Variants in DRC4 observed in about 807,000 individuals in gnomAD.
The protein encoded by DRC4 is GAS-11.
chr16:90,030,898 G>A, the DRC4 span, among the ~76,000 whole-genome samples: 1 of 152,198 alleles, frequency 6.6e-6, no homozygotes, highest in Non-Finnish European at 1.5e-5. Flanking sequence ...GGTTGCAGGC[G>A]AGAGCCACCG....
At chr16:90,038,678 T>C in the DRC4 span, among the ~76,000 whole-genome samples, 1 of 152,160 alleles carries the variant, frequency 6.6e-6, no homozygotes, top group South Asian at 2.1e-4. Context: ...GCCGTTTCCA[T>C]CCTCACCTGC....
chr16:90,040,180 G>A, the DRC4 span: 3 of 926,632 alleles, frequency 3.2e-6, no homozygotes, highest in Non-Finnish European at 5.0e-6. Flanking sequence ...TGCTGTGGGA[G>A]TGGGCACTGT....
chr16:90,028,052 C>T, the DRC4 span: 18 of 241,526 alleles, frequency 7.5e-5, no homozygotes, highest in South Asian at 2.4e-4. Context: ...ATAGACTTAT[C>T]GTAGAACACA....
the DRC4 span, among the ~76,000 whole-genome samples, chr16:90,026,908 T>C: frequency 6.6e-6 from 1 of 151,568 alleles, no homozygotes; most frequent in Non-Finnish European, 1.5e-5. Flanking sequence ...TTTTTTTTTT[T>C]TTTAAGTTAC....
At chr16:90,022,997 C>A in the DRC4 span, among the ~76,000 whole-genome samples, 1 of 152,104 alleles carries the variant, frequency 6.6e-6, no homozygotes, top group African/African-American at 2.4e-5. Flanking sequence ...CCGGGGTCGG[C>A]GGCGCACGGT....
chr16:90,034,520 G>A, the DRC4 span, among the ~76,000 whole-genome samples: 1 of 152,204 alleles, frequency 6.6e-6, no homozygotes, highest in South Asian at 2.1e-4. Context: ...TACTCGGGAC[G>A]CTGAGGCAGA....
At chr16:90,020,092 A>T in the DRC4 span, 2 of 634,302 alleles carry the variant, frequency 3.2e-6, no homozygotes. Flanking sequence ...CTCTGTCCTC[A>T]TTCACTTCCC....
the DRC4 span, among the ~76,000 whole-genome samples, chr16:90,027,232 C>G: frequency 6.6e-6 from 1 of 151,774 alleles, no homozygotes; most frequent in Non-Finnish European, 1.5e-5. Context: ...ACTACAGGCG[C>G]CCACCGGCAC....
the DRC4 span, chr16:90,032,950 G>C: frequency 6.2e-7 from 1 of 1,600,866 alleles, no homozygotes. Flanking sequence ...GCACCTGGAG[G>C]CTGACAGGTT....
At chr16:90,041,811 G>A in the DRC4 span, among the ~76,000 whole-genome samples, 11 of 152,066 alleles carry the variant, frequency 7.2e-5, no homozygotes, top group Non-Finnish European at 1.5e-4. Flanking sequence ...AAAAAAAAGT[G>A]AGATAGTACA....
chr16:90,035,841 A>G, the DRC4 span: 32 of 1,536,848 alleles, frequency 2.1e-5, no homozygotes, highest in Non-Finnish European at 2.7e-5. Flanking sequence ...TTCCAAGGCC[A>G]GTGGACCCAC....
At chr16:90,020,457 C>A in the DRC4 span, among the ~76,000 whole-genome samples, 1 of 152,204 alleles carries the variant, frequency 6.6e-6, no homozygotes, top group South Asian at 2.1e-4. Context: ...AGACATCAGA[C>A]AGAGGGCAGT....
the DRC4 span, chr16:90,043,108 C>CA: frequency 1.4e-6 from 2 of 1,431,478 alleles, no homozygotes; most frequent in Non-Finnish European, 1.9e-6. Context: ...CCGTGATGCT[C>CA]ACGCTGCCCC....
At chr16:90,031,277 C>G in the DRC4 span, 7 of 1,610,648 alleles carry the variant, frequency 4.3e-6, no homozygotes, top group African/African-American at 5.3e-5. Flanking sequence ...AGTGCCTCAC[C>G]TGACCCACTG....
chr16:90,038,613 T>C, the DRC4 span, among the ~76,000 whole-genome samples: 3 of 152,220 alleles, frequency 2.0e-5, no homozygotes. Context: ...CTGAGGACCC[T>C]GATCATCTGT....
At chr16:90,036,583 C>G in the DRC4 span, 1 of 1,573,216 alleles carries the variant, frequency 6.4e-7, no homozygotes, top group South Asian at 1.2e-5. Context: ...TCAACTCCCT[C>G]AAGGTGCTGT....
the DRC4 span, among the ~76,000 whole-genome samples, chr16:90,025,649 C>CA: frequency 0.019 from 881 of 45,760 alleles, 17 homozygotes; most frequent in South Asian, 0.034. Context: ...GACTCTGTCT[C>CA]AAAAAAAAAA....
At chr16:90,037,390 G>C in the DRC4 span, 2 of 1,611,720 alleles carry the variant, frequency 1.2e-6, no homozygotes, top group Non-Finnish European at 1.7e-6. Context: ...GGGACAAGCA[G>C]ATCCTGCTTG....
the DRC4 span, among the ~76,000 whole-genome samples, chr16:90,028,740 G>T: frequency 3.3e-5 from 5 of 152,180 alleles, no homozygotes; most frequent in Non-Finnish European, 5.9e-5. Flanking sequence ...CTGCCCTCAT[G>T]GACGACTGCC....
Sources: allele counts gnomAD v4.1 joint callset (sites outside exome capture counted in the v4.1 genomes callset), GRCh38; gene constraint gnomAD v4.1.1; transcripts MANE v1.5; gene names NCBI Gene and HGNC (gene_info 2026-07-23, HGNC 2026-07-21).